CHM: variants seen among roughly 807,000 people sequenced by gnomAD.
The protein encoded by CHM is rab proteins geranylgeranyltransferase component A 1.
CHM carries 10 observed loss-of-function variants against 49.0 expected under a neutral mutation model. That is an observed-to-expected ratio of 0.20 (90% confidence interval 0.13 to 0.35). The LOEUF (loss-of-function observed/expected upper bound fraction) is 0.35. CHM is among the 10% of genes least tolerant of loss of function. The probability of loss-of-function intolerance (pLI) is 1.00; values close to 1 mark genes in which losing one functional copy is unlikely to be tolerated. For missense variants in CHM, 455 were observed against 478.4 expected (o/e 0.95, Z 0.46); for synonymous variants, 184 against 167.5 (o/e 1.10, Z -0.76).
Position 85,981,195 on chromosome X carries a change from C to CATTTCT in CHM, c.189+536_189+541dup, listed in dbSNP as rs1288332191. Among the ~76,000 whole-genome samples the CATTTCT allele has an allele frequency of 5.5e-3, 351 of 63,506 alleles. 5 individuals are homozygous for CATTTCT. The highest frequency in any genetic ancestry group is 7.9e-3 in the Non-Finnish European group (260 of 32,746). 55.1% of individuals were successfully genotyped at this position (63,506 alleles called of 115,157 possible). On this transcript the variant is annotated intron_variant, in intron 3 of 14. Coordinates refer to ENST00000357749, the MANE Select transcript of CHM (RefSeq NM_000390.4). Reference sequence around the variant, plus strand: ...TACAAACAGTTTACTCTTCAACCAACATTTCTATTTCTATATATATATATA... The same window carrying CATTTCT: ...TACAAACAGTTTACTCTTCAACCAACATTTCTATTTCTATTTCTATATATATATATA...
intron 11 of CHM, among the ~76,000 whole-genome samples, chrX:85,897,297 TTGTGTGTGCGTGTGTGTGTG>T (rs1925943924): frequency 2.2e-5 from 2 of 92,670 alleles, no homozygotes; most frequent in Non-Finnish European, 4.1e-5. Flanking sequence ...TAGAAAATGC[TTGTGTGTGCGTGTGTGTGTG>T]TGTGTGTGTG....
At chrX:85,900,153 A>G (rs751330849) in intron 11 of CHM, among the ~76,000 whole-genome samples, 1 of 112,044 alleles carries the variant, frequency 8.9e-6, no homozygotes, top group South Asian at 3.7e-4. Flanking sequence ...GGGTGTGTGT[A>G]TGTATAAACA....
At chrX:85,955,193 CAG>C (rs1451427844) in intron 8 of CHM, among the ~76,000 whole-genome samples, 5 of 111,319 alleles carry the variant, frequency 4.5e-5, no homozygotes, top group Non-Finnish European at 9.4e-5. Flanking sequence ...GATATTACAA[CAG>C]AGTGACTACA....
In CHM at chrX:85,981,775, T is replaced by C; in HGVS notation, c.151A>G (p.Ser51Gly). Residue 51 changes from serine (S) to glycine (G), a missense_variant, in exon 3 of 15, where the codon AGC (serine) becomes GGC (glycine). Transcript: ENST00000357749. ...SYYGGNWASFSFSGLLSWLKE... is the reference protein window; with the variant it reads ...SYYGGNWASFGFSGLLSWLKE... ...AGCCAGGACAATAGTCCTGAAAAGC[T>C]AAAACTGGCCCAGTTTCCTCCATAG... is the stretch of plus-strand genomic sequence containing the variant. 8.4e-7 allele frequency: 1 copy of C among 1,186,804 alleles called. No individual in the cohort carries two copies. The highest frequency in any genetic ancestry group is 1.1e-6 in the Non-Finnish European group (1 of 881,065).
intron 2 of CHM, among the ~76,000 whole-genome samples, chrX:86,003,999 G>A (rs1033895587): frequency 9.0e-6 from 1 of 111,700 alleles, no homozygotes; most frequent in East Asian, 2.8e-4. Flanking sequence ...AAAATGTTAA[G>A]GGCAGCCAGA....
intron 12 of CHM, among the ~76,000 whole-genome samples, chrX:85,889,862 T>C (rs1925331287): frequency 8.9e-6 from 1 of 112,233 alleles, no homozygotes; most frequent in Non-Finnish European, 1.9e-5. Flanking sequence ...TGGGATACTA[T>C]GCAGCCATAA....
intron 13 of CHM, among the ~76,000 whole-genome samples, chrX:85,878,403 G>A (rs893446803): frequency 1.8e-5 from 2 of 109,178 alleles, no homozygotes; most frequent in Admixed American, 9.7e-5. Flanking sequence ...TTGCTTGAAC[G>A]TGGGAGGTGG....
At chrX:85,946,365 T>C (rs5968724) in intron 8 of CHM, among the ~76,000 whole-genome samples, 25,251 of 111,225 alleles carry the variant, frequency 0.23, 2,164 homozygotes, top group Non-Finnish European at 0.25. Context: ...CCATCACAGG[T>C]CCTGTGGGCT....
At chrX:85,891,014 T>C (rs968736410) in intron 12 of CHM, among the ~76,000 whole-genome samples, 1 of 111,545 alleles carries the variant, frequency 9.0e-6, no homozygotes, top group African/African-American at 3.3e-5. Flanking sequence ...TCTTGTTATG[T>C]TTTAGCAAAG....
chrX:85,915,553 T>C (rs748433834), intron 8 of CHM, among the ~76,000 whole-genome samples: 38 of 112,003 alleles, frequency 3.4e-4, no homozygotes, highest in Non-Finnish European at 6.2e-4. Context: ...AGAAACCCCA[T>C]AGTCTCAGCC....
intron 12 of CHM, among the ~76,000 whole-genome samples, chrX:85,881,971 TA>T (rs1332719018): frequency 8.9e-6 from 1 of 112,187 alleles, no homozygotes; most frequent in African/African-American, 3.2e-5. Flanking sequence ...TATTTCCATT[TA>T]TTTTTTTAAA....
intron 2 of CHM, among the ~76,000 whole-genome samples, chrX:85,995,129 G>T (rs1932378368): frequency 9.1e-6 from 1 of 109,890 alleles, no homozygotes; most frequent in Admixed American, 9.8e-5. Context: ...ATTTGCAAAT[G>T]TCAATACGGA....
chrX:86,017,164 G>C (rs2088338960), intron 2 of CHM, among the ~76,000 whole-genome samples: 1 of 112,353 alleles, frequency 8.9e-6, no homozygotes, highest in Non-Finnish European at 1.9e-5. Flanking sequence ...GCTTGCTTTT[G>C]ATTTTACAGG....
intron 8 of CHM, among the ~76,000 whole-genome samples, chrX:85,922,831 T>C (rs2148185257): frequency 8.9e-6 from 1 of 111,865 alleles, no homozygotes; most frequent in Admixed American, 9.5e-5. Context: ...ACTCATTATC[T>C]ATAAGGTTTT....
intron 8 of CHM, among the ~76,000 whole-genome samples, chrX:85,918,281 C>T (rs1289083762): frequency 9.0e-6 from 1 of 111,273 alleles, no homozygotes; most frequent in African/African-American, 3.3e-5. Flanking sequence ...AAAAAGAAAT[C>T]CCAACACAAA....
At chrX:85,896,889 A>AC in intron 11 of CHM, among the ~76,000 whole-genome samples, 1 of 98,720 alleles carries the variant, frequency 1.0e-5, no homozygotes, top group East Asian at 3.0e-4. Context: ...CATATTATAT[A>AC]TAGTATATAA....
At chrX:85,913,384 G>GAA (rs1490935343) in intron 8 of CHM, among the ~76,000 whole-genome samples, 2 of 95,349 alleles carry the variant, frequency 2.1e-5, no homozygotes, top group Non-Finnish European at 4.3e-5. Flanking sequence ...AAGAAAGAAA[G>GAA]AAAAAAGGAA....
At chrX:85,909,620 C>T (rs1926811328) in intron 9 of CHM, among the ~76,000 whole-genome samples, 1 of 111,532 alleles carries the variant, frequency 9.0e-6, no homozygotes, top group Non-Finnish European at 1.9e-5. Flanking sequence ...GGAATCTGTA[C>T]CAGATCATAA....
chrX:85,937,841 C>CAAAA (rs1302686614), intron 8 of CHM, among the ~76,000 whole-genome samples: 1 of 42,675 alleles, frequency 2.3e-5, no homozygotes, highest in African/African-American at 9.0e-5. Flanking sequence ...AAGACTGTCT[C>CAAAA]AAAAAAAAAA....
Sources: allele counts gnomAD v4.1 joint callset (sites outside exome capture counted in the v4.1 genomes callset), GRCh38; gene constraint gnomAD v4.1.1; transcripts MANE v1.5; gene names NCBI Gene and HGNC (gene_info 2026-07-23, HGNC 2026-07-21).